CLEC12B: variants seen among roughly 807,000 people sequenced by gnomAD.
The protein encoded by CLEC12B is macrophage antigen h.
CLEC12B carries 25 observed loss-of-function variants against 36.1 expected under a neutral mutation model. The observed-to-expected ratio is 0.69, with a 90% CI of 0.50 to 0.97. The LOEUF is 0.97. CLEC12B is among the 50% of genes least tolerant of loss of function. The pLI, the probability that CLEC12B is intolerant of heterozygous loss-of-function variation, is 0.00. For synonymous variants in CLEC12B, 110 were observed against 108.5 expected (o/e 1.01, Z -0.09); for missense variants, 325 against 318.4 (o/e 1.02, Z -0.16).
intron 2 of CLEC12B, among the ~76,000 whole-genome samples, chr12:10,013,619 C>T (rs1398062657): frequency 2.6e-5 from 4 of 152,088 alleles, no homozygotes; most frequent in African/African-American, 7.2e-5. Flanking sequence ...GCATGGTATT[C>T]GCTTACAGGG....
intron 3 of CLEC12B, 59 bp from the exon 4 acceptor site, chr12:10,015,193 C>A: frequency 7.2e-7 from 1 of 1,391,014 alleles, no homozygotes; most frequent in Admixed American, 2.0e-5. Context: ...TGTTTCAAAG[C>A]CTTCTCCAGT....
upstream of CLEC12B, among the ~76,000 whole-genome samples, chr12:10,007,800 A>G (rs992204727): frequency 4.6e-5 from 7 of 152,222 alleles, no homozygotes; most frequent in Admixed American, 1.3e-4. Flanking sequence ...GATGCTTATG[A>G]TGAATGAAGA....
chr12:10,016,216 T>C (rs1229650336), intron 5 of CLEC12B: 1 of 154,360 alleles, frequency 6.5e-6, no homozygotes, highest in Non-Finnish European at 1.4e-5. Context: ...ACTAAATAAC[T>C]GTCAACCATT....
chr12:10,009,971 C>A (rs1865284224), upstream of CLEC12B, among the ~76,000 whole-genome samples: 1 of 152,110 alleles, frequency 6.6e-6, no homozygotes, highest in African/African-American at 2.4e-5. Context: ...GTATTAACTT[C>A]CGGTAGTTAT....
chr12:10,015,856 T>G, intron 5 of CLEC12B, 129 bp downstream of exon 5: 1 of 1,499,392 alleles, frequency 6.7e-7, no homozygotes, highest in Non-Finnish European at 8.9e-7. Flanking sequence ...AGAGCTCCAG[T>G]AACAAATATT....
upstream of CLEC12B, among the ~76,000 whole-genome samples, chr12:10,009,643 G>C (rs181552842): frequency 3.3e-5 from 5 of 152,068 alleles, no homozygotes; most frequent in Non-Finnish European, 7.4e-5. Flanking sequence ...TTCCTAAAGA[G>C]AAAGTTTTTA....
At position 10,018,467 on chromosome 12, in the gene CLEC12B, G is replaced by C. The variant is rs1865541574; in HGVS notation, c.817G>C (p.Glu273Gln). ...CEKTAAPVKTEDLD is the reference protein window; with the variant it reads ...CEKTAAPVKTQDLD Reference sequence around the variant, plus strand: ...GAAGACAGCTGCCCCAGTGAAGACTGAGGATTTGGATTAGTATGCTTCTTC... The same window carrying C: ...GAAGACAGCTGCCCCAGTGAAGACTCAGGATTTGGATTAGTATGCTTCTTC... Residue 273 changes from glutamate to glutamine, a missense_variant, in exon 6 of 6, where the codon GAG becomes CAG. Coordinates refer to ENST00000338896, the MANE Select transcript of CLEC12B (RefSeq NM_001129998.3). The C allele has an allele frequency of 6.4e-7, 1 of 1,550,630 alleles. No homozygotes were observed. Among genetic ancestry groups the C allele is most frequent in the African/African-American group, 1.4e-5 (1 of 72,944 alleles).
At chr12:10,006,899 C>CA (rs535155973), upstream of CLEC12B, among the ~76,000 whole-genome samples, 1 of 151,672 alleles carries the variant, frequency 6.6e-6, no homozygotes, top group African/African-American at 2.4e-5. Flanking sequence ...ACTAAAAATA[C>CA]AAAAAATTAG....
At chr12:10,009,462 A>G (rs1488557446), upstream of CLEC12B, among the ~76,000 whole-genome samples, 1 of 152,076 alleles carries the variant, frequency 6.6e-6, no homozygotes, top group Non-Finnish European at 1.5e-5. Flanking sequence ...AGTAAACATA[A>G]GCATAGATTT....
chr12:10,013,102 A>T (rs1865375411), intron 2 of CLEC12B: 1 of 536,732 alleles, frequency 1.9e-6, no homozygotes, highest in Non-Finnish European at 3.3e-6. Flanking sequence ...GATAAGCTAA[A>T]CTGGACTTAG....
intron 2 of CLEC12B, 134 bp from the exon 3 acceptor site, chr12:10,014,389 T>TTCTTTCATGATACCTCAAATAC (rs1170122666): frequency 1.7e-6 from 1 of 605,036 alleles, no homozygotes; most frequent in African/African-American, 1.9e-5. Context: ...TCTGGTTTGT[T>TTCTTTCATGATACCTCAAATAC]TCTTTCATGA....
chr12:10,015,389 G>C lies in CLEC12B; in HGVS notation c.547G>C (p.Asp183His), dbSNP rs975967837. 5.6e-6 allele frequency: 9 copies of C among 1,612,350 alleles called. No homozygotes were observed. The highest frequency in any genetic ancestry group is 6.8e-6 in the Non-Finnish European group (8 of 1,179,310). The stretch of plus-strand genomic sequence containing the variant: ...CAAGAACTCCACCCTAGTGAAGATA[G>C]ACAGTTTGGAAGAAAAGGTAGGATT... Reference protein sequence around the residue: ...IDKNSTLVKIDSLEEKDFLMS... With the variant: ...IDKNSTLVKIHSLEEKDFLMS... Residue 183 changes from aspartate (D) to histidine (H), a missense_variant, in exon 4 of 6, where the codon GAC becomes CAC. Asp to His is a moderately conservative substitution (Grantham distance 81). Coordinates refer to ENST00000338896, the MANE Select transcript of CLEC12B (RefSeq NM_001129998.3).
chr12:10,012,320 T>C (rs1276388229), intron 1 of CLEC12B, among the ~76,000 whole-genome samples: 2 of 152,196 alleles, frequency 1.3e-5, no homozygotes, highest in Non-Finnish European at 2.9e-5. Context: ...AGATCTCTCA[T>C]TTATGAATTC....
chr12:10,013,217 T>C, intron 2 of CLEC12B: 1 of 298,376 alleles, frequency 3.4e-6, no homozygotes, highest in South Asian at 3.3e-5. Flanking sequence ...AGTCAAGAAA[T>C]ATGTATTGAA....
At chr12:10,015,008 G>C (rs1251269949) in intron 3 of CLEC12B, among the ~76,000 whole-genome samples, 1 of 152,108 alleles carries the variant, frequency 6.6e-6, no homozygotes, top group Non-Finnish European at 1.5e-5. Flanking sequence ...TGATCATGTT[G>C]CTCTGAAAGC....
chr12:10,011,256 T>C (rs981487438), intron 1 of CLEC12B, among the ~76,000 whole-genome samples: 3 of 152,212 alleles, frequency 2.0e-5, no homozygotes, highest in Admixed American at 6.5e-5. Flanking sequence ...TGATGTAAGT[T>C]ACTTAAGAGA....
chr12:10,013,246 T>C, intron 2 of CLEC12B: 1 of 271,988 alleles, frequency 3.7e-6, no homozygotes, highest in South Asian at 3.7e-5. Context: ...TTGCTATTTT[T>C]ATTTACCTGA....
chr12:10,013,929 G>T (rs1865405215), intron 2 of CLEC12B, among the ~76,000 whole-genome samples: 1 of 152,146 alleles, frequency 6.6e-6, no homozygotes, highest in Admixed American at 6.6e-5. Context: ...TACGTCCATT[G>T]GTTCGATATA....
upstream of CLEC12B, among the ~76,000 whole-genome samples, chr12:10,007,078 A>C (rs1011404819): frequency 6.6e-6 from 1 of 151,950 alleles, no homozygotes; most frequent in Non-Finnish European, 1.5e-5. Flanking sequence ...AAAGAATAAA[A>C]ATAAAAAAAG....
Sources: allele counts gnomAD v4.1 joint callset (sites outside exome capture counted in the v4.1 genomes callset), GRCh38; gene constraint gnomAD v4.1.1; transcripts MANE v1.5; gene names NCBI Gene and HGNC (gene_info 2026-07-23, HGNC 2026-07-21).